VPS13A: variants seen among roughly 807,000 people sequenced by gnomAD.
VPS13A encodes intermembrane lipid transfer protein VPS13A.
VPS13A carries 264 observed loss-of-function variants against 390.9 expected under a neutral mutation model. The observed-to-expected ratio is 0.68, with a 90% CI of 0.61 to 0.75. The LOEUF is 0.75. Ranked by LOEUF, VPS13A falls within the 30% of genes least tolerant of loss-of-function variation. The probability of loss-of-function intolerance (pLI) is 0.00; values close to 1 mark genes in which losing one functional copy is unlikely to be tolerated. For synonymous variants in VPS13A, 1,231 were observed against 1,227.1 expected (o/e 1.00, Z -0.07); for missense variants, 3,409 against 3,733.9 (o/e 0.91, Z 2.27).
In VPS13A at chr9:77,282,103, A is replaced by G. The variant is rs770613308; in HGVS notation, c.2965-18A>G. ...AAATATTTATTGACCTATCACTAAA[A>G]TCAGCTTTGTTCTTTAGGTAAATTT... On this transcript the variant is annotated intron_variant, in intron 28 of 71. Coordinates refer to ENST00000360280, the MANE Select transcript of VPS13A (RefSeq NM_033305.3). 1 of 1,612,730 alleles carries G rather than the reference A, an allele frequency of 6.2e-7. No individual in the cohort carries two copies. Among genetic ancestry groups the G allele is most frequent in the South Asian group, 1.1e-5 (1 of 91,024 alleles).
chr9:77,196,380 A>G (rs1825003156), intron 1 of VPS13A, among the ~76,000 whole-genome samples: 2 of 152,186 alleles, frequency 1.3e-5, no homozygotes, highest in South Asian at 2.1e-4. Context: ...GCAATACAGT[A>G]TTGTTAACCA....
At chr9:77,253,331 A>T in intron 22 of VPS13A, among the ~76,000 whole-genome samples, 1 of 152,066 alleles carries the variant, frequency 6.6e-6, no homozygotes, top group African/African-American at 2.4e-5. Context: ...TTCGAGATGG[A>T]GTCTCCCTCT....
intron 35 of VPS13A, among the ~76,000 whole-genome samples, chr9:77,310,383 T>C (rs1420765242): frequency 6.6e-6 from 1 of 152,138 alleles, no homozygotes; most frequent in Non-Finnish European, 1.5e-5. Context: ...ATAGCATGAA[T>C]TCCACATAGT....
intron 23 of VPS13A, among the ~76,000 whole-genome samples, chr9:77,266,640 T>TGG (rs912431535): frequency 2.0e-5 from 3 of 152,120 alleles, no homozygotes; most frequent in African/African-American, 7.2e-5. Context: ...TTATGTGTCT[T>TGG]GGGGTTGCTC....
chr9:77,191,142 CTT>C (rs1824657324), intron 1 of VPS13A, among the ~76,000 whole-genome samples: 1 of 151,908 alleles, frequency 6.6e-6, no homozygotes, highest in Non-Finnish European at 1.5e-5. Context: ...TAGTTGTTAA[CTT>C]TATATCTTTC....
intron 34 of VPS13A, among the ~76,000 whole-genome samples, chr9:77,305,028 T>A (rs1828644185): frequency 6.6e-6 from 1 of 151,624 alleles, no homozygotes; most frequent in Non-Finnish European, 1.5e-5. Flanking sequence ...AAGCTCCGCC[T>A]CTGGGGTTCA....
At chr9:77,288,611 C>A (rs1827475869) in intron 31 of VPS13A, among the ~76,000 whole-genome samples, 1 of 152,034 alleles carries the variant, frequency 6.6e-6, no homozygotes, top group Non-Finnish European at 1.5e-5. Flanking sequence ...AGTTTAAATT[C>A]ATTATGGTCA....
chr9:77,249,920 C>T (rs1191186576), intron 20 of VPS13A, among the ~76,000 whole-genome samples, 177 bp from the exon 21 acceptor site: 5 of 152,070 alleles, frequency 3.3e-5, no homozygotes, highest in Non-Finnish European at 5.9e-5. Flanking sequence ...TTTACTTTAT[C>T]GCTCTCCTTA....
chr9:77,189,526 A>G (rs955405812), intron 1 of VPS13A, among the ~76,000 whole-genome samples: 1 of 152,132 alleles, frequency 6.6e-6, no homozygotes, highest in Non-Finnish European at 1.5e-5. Flanking sequence ...GGTTGAAGTC[A>G]GGTAGTGTGA....
intron 71 of VPS13A, 129 bp downstream of exon 71, chr9:77,407,736 C>T: frequency 1.3e-6 from 1 of 798,376 alleles, no homozygotes; most frequent in Non-Finnish European, 2.1e-6. Context: ...TGTGTTTTGG[C>T]AGGTTTTAAA....
At chr9:77,368,227 G>T in intron 62 of VPS13A, 91 bp downstream of exon 62, 14 of 989,346 alleles carry the variant, frequency 1.4e-5, no homozygotes, top group Non-Finnish European at 2.2e-5. Context: ...AACTATTGAG[G>T]AACTAAATAG....
At chr9:77,376,398 A>T (rs531602946) in intron 67 of VPS13A, among the ~76,000 whole-genome samples, 2 of 152,260 alleles carry the variant, frequency 1.3e-5, no homozygotes, top group Admixed American at 1.3e-4. Context: ...ACCACAGGGG[A>T]TTAGGGCAGA....
intron 71 of VPS13A, among the ~76,000 whole-genome samples, chr9:77,411,101 G>T (rs1260869654): frequency 6.6e-6 from 1 of 152,164 alleles, no homozygotes; most frequent in Non-Finnish European, 1.5e-5. Context: ...TCAGACCATA[G>T]TGCAATCAAA....
intron 67 of VPS13A, among the ~76,000 whole-genome samples, chr9:77,379,828 T>TG (rs1266650146): frequency 6.6e-6 from 1 of 152,200 alleles, no homozygotes; most frequent in Non-Finnish European, 1.5e-5. Context: ...ATTCTGTTGT[T>TG]GTTGGTTTGA....
chr9:77,294,996 AATC>A, intron 32 of VPS13A, among the ~76,000 whole-genome samples: 1 of 151,876 alleles, frequency 6.6e-6, no homozygotes, highest in African/African-American at 2.4e-5. Context: ...TAACCAAAAA[AATC>A]ATGTCACTTG....
chr9:77,235,482 T>C (rs901977517), intron 17 of VPS13A, among the ~76,000 whole-genome samples: 4 of 152,208 alleles, frequency 2.6e-5, no homozygotes, highest in African/African-American at 9.6e-5. Flanking sequence ...TTCCTTGTTT[T>C]AGCTTTTGAC....
chr9:77,282,969 A>T (rs1434924039), intron 29 of VPS13A, among the ~76,000 whole-genome samples: 2 of 151,632 alleles, frequency 1.3e-5, no homozygotes, highest in Non-Finnish European at 2.9e-5. Context: ...AAAAAAAAAC[A>T]AAAAAGAGTA....
intron 1 of VPS13A, among the ~76,000 whole-genome samples, chr9:77,198,199 C>G (rs554301540): frequency 5.3e-5 from 8 of 151,984 alleles, no homozygotes; most frequent in South Asian, 2.1e-4. Context: ...TTGAGGGGCC[C>G]GGAATTGGAT....
chr9:77,291,498 T>G (rs1827657671), intron 31 of VPS13A, among the ~76,000 whole-genome samples: 1 of 152,174 alleles, frequency 6.6e-6, no homozygotes, highest in East Asian at 1.9e-4. Context: ...TAGGTTGGTT[T>G]GAATTCCAGA....
Sources: allele counts gnomAD v4.1 joint callset (sites outside exome capture counted in the v4.1 genomes callset), GRCh38; gene constraint gnomAD v4.1.1; transcripts MANE v1.5; gene names NCBI Gene and HGNC (gene_info 2026-07-23, HGNC 2026-07-21).